The following CAMKMT variants were observed in gnomAD, a reference collection of about 807,000 sequenced individuals.
CAMKMT encodes the protein CaM KMT.
A neutral mutation model predicts 48.0 loss-of-function variants in CAMKMT; 53 were observed. That is an observed-to-expected ratio of 1.10 (90% CI 0.89 to 1.39). The LOEUF (loss-of-function observed/expected upper bound fraction) is 1.39. Ranked by LOEUF, CAMKMT falls within the 40% of genes most tolerant of loss-of-function variation. The pLI is 0.00. For synonymous variants in CAMKMT, 165 were observed against 152.3 expected (o/e 1.08, Z -0.61); for missense variants, 428 against 402.7 (o/e 1.06, Z -0.54).
chr2:44,675,334 T>G (rs1675620776), intron 3 of CAMKMT, among the ~76,000 whole-genome samples: 1 of 152,166 alleles, frequency 6.6e-6, no homozygotes, highest in African/African-American at 2.4e-5. Flanking sequence ...CCGGAATCTT[T>G]ATTTTCTTCA....
intron 3 of CAMKMT, among the ~76,000 whole-genome samples, chr2:44,430,477 T>C (rs1225302583): frequency 6.6e-6 from 1 of 151,286 alleles, no homozygotes; most frequent in Admixed American, 6.6e-5. Context: ...GTGCAGAGAA[T>C]AGATGGTAAC....
intron 3 of CAMKMT, among the ~76,000 whole-genome samples, chr2:44,484,196 G>T (rs927913226): frequency 7.0e-6 from 1 of 143,372 alleles, no homozygotes. Context: ...GAGCCAATGG[G>T]TTTTTTTTTT....
chr2:44,475,919 A>G (rs535299058), intron 3 of CAMKMT, among the ~76,000 whole-genome samples: 43 of 152,344 alleles, frequency 2.8e-4, no homozygotes, highest in Admixed American at 1.8e-3. Flanking sequence ...TATGTCCCTT[A>G]AAACTGAAGC....
intron 3 of CAMKMT, among the ~76,000 whole-genome samples, chr2:44,656,580 T>C (rs190146320): frequency 1.3e-5 from 2 of 152,248 alleles, no homozygotes; most frequent in African/African-American, 4.8e-5. Flanking sequence ...CTGTTGACAT[T>C]CTAGGTGAGT....
chr2:44,396,325 A>G (rs1681837646), intron 3 of CAMKMT, among the ~76,000 whole-genome samples: 1 of 152,122 alleles, frequency 6.6e-6, no homozygotes, highest in Non-Finnish European at 1.5e-5. Context: ...CAAATTACAC[A>G]CTGGCAATTA....
In CAMKMT at chr2:44,577,869, G is replaced by A. The variant is rs551234118; in HGVS notation, c.377-126414G>A. The stretch of plus-strand genomic sequence containing the variant: ...TTATCTTCTACTAGTTTTACACCCC[G>A]CTTGTATCTCCTAGTGACTCCCCTA... On this transcript the variant is annotated intron_variant, in intron 3 of 10. Transcript: ENST00000378494. 2.6e-5 allele frequency among the ~76,000 whole-genome samples: 4 copies of A among 152,196 alleles called. No homozygotes were observed. The South Asian group carries it at 6.2e-4, about 24-fold the overall frequency.
At chr2:44,714,430 G>A (rs1180050890) in intron 6 of CAMKMT, among the ~76,000 whole-genome samples, 4 of 152,126 alleles carry the variant, frequency 2.6e-5, no homozygotes, top group African/African-American at 9.7e-5. Flanking sequence ...GTCCTTCCAT[G>A]CCAAAGGCCA....
chr2:44,516,814 T>G (rs1302200662), intron 3 of CAMKMT, among the ~76,000 whole-genome samples: 1 of 148,698 alleles, frequency 6.7e-6, no homozygotes, highest in East Asian at 2.0e-4. Context: ...CAATCTCAGC[T>G]CATTGCAACA....
intron 3 of CAMKMT, among the ~76,000 whole-genome samples, chr2:44,545,508 T>C (rs1182506639): frequency 6.6e-6 from 1 of 152,154 alleles, no homozygotes; most frequent in Non-Finnish European, 1.5e-5. Flanking sequence ...TATAAAACCT[T>C]TCTCAGAGCT....
At chr2:44,567,562 T>G (rs973709181) in intron 3 of CAMKMT, among the ~76,000 whole-genome samples, 7 of 152,204 alleles carry the variant, frequency 4.6e-5, no homozygotes, top group African/African-American at 1.7e-4. Flanking sequence ...AATGCTCTGA[T>G]GAAAGTAGGG....
intron 3 of CAMKMT, among the ~76,000 whole-genome samples, chr2:44,614,448 G>A (rs547054091): frequency 1.3e-5 from 2 of 152,290 alleles, no homozygotes; most frequent in South Asian, 2.1e-4. Flanking sequence ...GAATGTGCCT[G>A]TTTTCCAGGC....
intron 3 of CAMKMT, among the ~76,000 whole-genome samples, chr2:44,505,633 G>A (rs999447759): frequency 1.3e-5 from 2 of 152,038 alleles, no homozygotes; most frequent in Admixed American, 1.3e-4. Flanking sequence ...TATCATAAAG[G>A]TCTTCATCCT....
At chr2:44,521,954 T>C (rs1671135556) in intron 3 of CAMKMT, among the ~76,000 whole-genome samples, 2 of 152,106 alleles carry the variant, frequency 1.3e-5, no homozygotes, top group Non-Finnish European at 2.9e-5. Context: ...AGTTCGGTAG[T>C]ATTATTAAGT....
At chr2:44,610,076 G>C (rs4953116) in intron 3 of CAMKMT, among the ~76,000 whole-genome samples, 88,387 of 151,924 alleles carry the variant, frequency 0.58, 26,864 homozygotes, top group Admixed American at 0.68. Flanking sequence ...ACTAAGGAAG[G>C]AGGTTTATAT....
intron 2 of CAMKMT, among the ~76,000 whole-genome samples, chr2:44,389,557 A>T (rs1165178098): frequency 1.3e-5 from 2 of 150,742 alleles, no homozygotes; most frequent in African/African-American, 4.9e-5. Flanking sequence ...ATTAGCACTA[A>T]TTTTTTTTTT....
At chr2:44,638,665 A>G (rs1309677116) in intron 3 of CAMKMT, among the ~76,000 whole-genome samples, 1 of 152,222 alleles carries the variant, frequency 6.6e-6, no homozygotes, top group Non-Finnish European at 1.5e-5. Context: ...TTATGAGTAA[A>G]ATTACATGGT....
At chr2:44,688,361 G>C (rs933979840) in intron 3 of CAMKMT, among the ~76,000 whole-genome samples, 6 of 152,074 alleles carry the variant, frequency 3.9e-5, no homozygotes, top group African/African-American at 1.2e-4. Flanking sequence ...AATTTTTGGA[G>C]AGCAGACTGT....
intron 3 of CAMKMT, among the ~76,000 whole-genome samples, chr2:44,406,880 T>A (rs1156699715): frequency 6.6e-6 from 1 of 152,232 alleles, no homozygotes; most frequent in Non-Finnish European, 1.5e-5. Flanking sequence ...AGTGCTGGGA[T>A]TACAGGCGTG....
intron 6 of CAMKMT, among the ~76,000 whole-genome samples, chr2:44,713,945 C>T (rs191417170): frequency 2.0e-5 from 3 of 152,210 alleles, no homozygotes; most frequent in African/African-American, 7.2e-5. Context: ...CCCATGGGCC[C>T]AATTTAGTTC....
Sources: allele counts gnomAD v4.1 joint callset (sites outside exome capture counted in the v4.1 genomes callset), GRCh38; gene constraint gnomAD v4.1.1; transcripts MANE v1.5; gene names NCBI Gene and HGNC (gene_info 2026-07-23, HGNC 2026-07-21).